Variants in ANKFN1 observed in about 807,000 individuals in gnomAD.
ANKFN1 encodes ankyrin repeat and fibronectin type III domain containing 1.
In ANKFN1, 74 loss-of-function variants were observed where a neutral mutation model predicts 108.7. The observed-to-expected ratio is 0.68, with a 90% CI of 0.56 to 0.83. The LOEUF is 0.83. Among genes scored for constraint, ANKFN1 ranks in the 40% least tolerant of loss-of-function variants. ANKFN1 has a pLI of 0.00. For synonymous variants in ANKFN1, 547 were observed against 516.2 expected (o/e 1.06, Z -0.81); for missense variants, 1,505 against 1,382.3 (o/e 1.09, Z -1.41).
chr17:56,468,834 G>A (rs1187838477), intron 15 of ANKFN1, among the ~76,000 whole-genome samples: 1 of 152,180 alleles, frequency 6.6e-6, no homozygotes, highest in Non-Finnish European at 1.5e-5. Context: ...GTGCTTGTGT[G>A]AAGGAGGTGG....
At chr17:56,343,763 CA>C (rs2046024675) in intron 4 of ANKFN1, among the ~76,000 whole-genome samples, 1 of 151,872 alleles carries the variant, frequency 6.6e-6, no homozygotes, top group Non-Finnish European at 1.5e-5. Context: ...CACATTTCTT[CA>C]TATTTTTTCA....
At chr17:56,361,598 A>G (rs556128091) in intron 6 of ANKFN1, among the ~76,000 whole-genome samples, 4 of 152,154 alleles carry the variant, frequency 2.6e-5, no homozygotes, top group Non-Finnish European at 5.9e-5. Flanking sequence ...ATTATTATAT[A>G]TTGCTGTGTA....
chr17:56,186,896 A>C (rs1912263070), intron 1 of ANKFN1, among the ~76,000 whole-genome samples: 1 of 152,200 alleles, frequency 6.6e-6, no homozygotes, highest in South Asian at 2.1e-4. Flanking sequence ...AGAAAGCTGA[A>C]ACTGGATCTC....
chr17:56,335,218 A>G (rs962039370), intron 4 of ANKFN1, among the ~76,000 whole-genome samples: 8 of 152,130 alleles, frequency 5.3e-5, no homozygotes, highest in Non-Finnish European at 1.2e-4. Flanking sequence ...TTTTGGTTCC[A>G]TATGAACTTT....
intron 18 of ANKFN1, among the ~76,000 whole-genome samples, chr17:56,491,923 A>G (rs1160095749): frequency 6.6e-6 from 1 of 152,176 alleles, no homozygotes; most frequent in Non-Finnish European, 1.5e-5. Context: ...ACTTTAGGGA[A>G]AAGTCCACAT....
chr17:56,330,326 A>G (rs1237401126), intron 4 of ANKFN1, among the ~76,000 whole-genome samples: 1 of 150,464 alleles, frequency 6.6e-6, no homozygotes, highest in Non-Finnish European at 1.5e-5. Flanking sequence ...CCATTTAAAA[A>G]ATCATCAGAA....
rs1598360909 is a variant in ANKFN1, at chr17:56,291,514, T to C, written c.54-34707T>C. ...CACATTTAGGGGCCTTATGGTATTA[T>C]TTATTTATTATGATGATGATTATGA... On this transcript the variant is annotated intron_variant, in intron 3 of 20. Coordinates refer to ENST00000682825, the MANE Select transcript of ANKFN1 (RefSeq NM_001370326.1). Among the ~76,000 whole-genome samples the C allele has an allele frequency of 2.6e-5, 4 of 152,330 alleles. No individual in the cohort carries two copies. In the Middle Eastern group the frequency reaches 0.01, roughly 389 times the overall value.
At chr17:56,267,561 G>A (rs2043684658) in intron 3 of ANKFN1, among the ~76,000 whole-genome samples, 2 of 152,086 alleles carry the variant, frequency 1.3e-5, no homozygotes, top group Admixed American at 6.5e-5. Context: ...ATCTTGAGTT[G>A]ATTTTTGTGT....
intron 4 of ANKFN1, among the ~76,000 whole-genome samples, chr17:56,343,465 T>A (rs375823531): frequency 6.6e-6 from 1 of 151,952 alleles, no homozygotes; most frequent in East Asian, 1.9e-4. Context: ...TAGCTGTTAA[T>A]CTTTTTGAGG....
At chr17:56,102,941 G>A (rs1429941800) in intron 4 of ANKFN1, among the ~76,000 whole-genome samples, 2 of 152,136 alleles carry the variant, frequency 1.3e-5, no homozygotes, top group African/African-American at 2.4e-5. Flanking sequence ...TCTGGTGGGG[G>A]AATCAAAGCT....
chr17:56,235,709 C>T (rs1917079584), intron 3 of ANKFN1, among the ~76,000 whole-genome samples: 1 of 152,054 alleles, frequency 6.6e-6, no homozygotes, highest in African/African-American at 2.4e-5. Flanking sequence ...TTCCATTGGC[C>T]TATGTGTCTA....
chr17:56,355,056 A>G lies in ANKFN1; in HGVS notation c.601+1010A>G, dbSNP rs370655676. 2.0e-5 allele frequency among the ~76,000 whole-genome samples: 3 copies of G among 152,282 alleles called. No homozygotes were observed. In the East Asian group the frequency reaches 5.8e-4, roughly 29 times the overall value. ...CAGTAGGGTGATGTTGGAATGGTTA[A>G]CAGTTAGGTATTGTATATTACAAAG... On this transcript the variant is annotated intron_variant, in intron 6 of 20. Transcript: ENST00000682825.
intron 6 of ANKFN1, among the ~76,000 whole-genome samples, chr17:56,363,215 T>C (rs1270181232): frequency 6.6e-6 from 1 of 151,808 alleles, no homozygotes; most frequent in Non-Finnish European, 1.5e-5. Flanking sequence ...AGAGGGAGAC[T>C]CCATCTCAAA....
intron 3 of ANKFN1, among the ~76,000 whole-genome samples, chr17:56,307,167 G>T (rs1018796849): frequency 8.5e-5 from 13 of 152,242 alleles, no homozygotes; most frequent in Admixed American, 8.5e-4. Flanking sequence ...ATAGGCATGG[G>T]CAAGGACTTC....
intron 3 of ANKFN1, among the ~76,000 whole-genome samples, chr17:56,282,464 C>T (rs1256541476): frequency 6.6e-6 from 1 of 151,940 alleles, no homozygotes; most frequent in African/African-American, 2.4e-5. Context: ...TAAGCATACA[C>T]CAAAAATTAA....
chr17:56,297,867 G>A (rs2044558609), intron 3 of ANKFN1, among the ~76,000 whole-genome samples: 1 of 152,206 alleles, frequency 6.6e-6, no homozygotes, highest in African/African-American at 2.4e-5. Context: ...ACACTGGGGA[G>A]TGGTTAATAA....
intron 6 of ANKFN1, chr17:56,368,068 C>G: frequency 1.4e-6 from 1 of 720,232 alleles, no homozygotes; most frequent in Non-Finnish European, 2.0e-6. Context: ...ATTCTGCCAT[C>G]AGATCCAGAG....
chr17:56,459,174 G>A (rs1410793404), intron 14 of ANKFN1, among the ~76,000 whole-genome samples: 1 of 152,078 alleles, frequency 6.6e-6, no homozygotes, highest in Non-Finnish European at 1.5e-5. Context: ...TCAGTGCCGT[G>A]ATCTTGGCTC....
At chr17:56,439,350 T>G (rs1207097500) in intron 8 of ANKFN1, among the ~76,000 whole-genome samples, 1 of 152,082 alleles carries the variant, frequency 6.6e-6, no homozygotes, top group African/African-American at 2.4e-5. Context: ...AGTCCCTGCT[T>G]CATTTATGCT....
Sources: allele counts gnomAD v4.1 joint callset (sites outside exome capture counted in the v4.1 genomes callset), GRCh38; gene constraint gnomAD v4.1.1; transcripts MANE v1.5; gene names NCBI Gene and HGNC (gene_info 2026-07-23, HGNC 2026-07-21).